The following R3HDM2 variants were observed in gnomAD, a reference collection of about 807,000 sequenced individuals.
The protein encoded by R3HDM2 is R3H domain containing 2.
In R3HDM2, 38 loss-of-function variants were observed where a neutral mutation model predicts 124.5. The ratio of observed to expected loss-of-function variants is 0.31; its 90% confidence interval spans 0.24 to 0.40. The LOEUF (loss-of-function observed/expected upper bound fraction) is 0.40, where lower values mean the gene tolerates loss of function less well. Among genes scored for constraint, R3HDM2 ranks in the 10% least tolerant of loss-of-function variants. The pLI is 1.00. For synonymous variants in R3HDM2, 391 were observed against 448.0 expected (o/e 0.87, Z 1.61); for missense variants, 869 against 1,236.9 (o/e 0.70, Z 4.46).
rs541588929 is a variant in R3HDM2 at position 57,355,320 on chromosome 12, G to A, written c.-36+40429C>T. Among the ~76,000 whole-genome samples the A allele has an allele frequency of 1.1e-4, 17 of 151,516 alleles. No individual in the cohort carries two copies. The East Asian group carries it at 1.4e-3, about 12-fold the overall frequency. ...AAAATACAAAAAAAATTAGCCGGGC[G>A]TAGTGGCAGGCGCCTATAGTCCCAA... On this transcript the variant is annotated intron_variant, in intron 2 of 23. Transcript: ENST00000402412.
chr12:57,269,977 G>T lies in R3HDM2; in HGVS notation c.1362C>A (p.Asn454Lys), dbSNP rs755622952. Residue 454 changes from asparagine to lysine, a missense_variant, in exon 15 of 24, where the codon AAC (asparagine) becomes AAA (lysine). Physicochemically the swap from Asn to Lys is moderately conservative, Grantham distance 94. This residue lies in a region of R3HDM2 where 602 missense variants were observed against 789.2 expected (regional missense o/e 0.76). Transcript: ENST00000402412. Reference sequence around the variant, plus strand: ...GACTAAGGCTCATTTGTCCAAAGGGGTTGCTGAGGTCATCTGCCTGTTGAG... The same window carrying T: ...GACTAAGGCTCATTTGTCCAAAGGGTTTGCTGAGGTCATCTGCCTGTTGAG... ...HMISQADDLS[N>K]PFGQMSLSRQ... 10 of 1,614,102 alleles carry T rather than the reference G, an allele frequency of 6.2e-6. No homozygotes were observed. In the Admixed American group the frequency reaches 1.7e-4, roughly 27 times the overall value.
At chr12:57,287,923 C>T (rs989179708) in intron 12 of R3HDM2, among the ~76,000 whole-genome samples, 1 of 151,546 alleles carries the variant, frequency 6.6e-6, no homozygotes, top group African/African-American at 2.4e-5. Context: ...GAAGTTAATA[C>T]AACAGGTTGC....
chr12:57,305,166 C>T (rs995533684), intron 3 of R3HDM2, among the ~76,000 whole-genome samples: 1 of 152,162 alleles, frequency 6.6e-6, no homozygotes, highest in Non-Finnish European at 1.5e-5. Flanking sequence ...GCCTGAGCAA[C>T]AGAGCAAGGC....
chr12:57,370,143 A>G (rs963183086), intron 2 of R3HDM2, among the ~76,000 whole-genome samples: 1 of 152,148 alleles, frequency 6.6e-6, no homozygotes, highest in Non-Finnish European at 1.5e-5. Context: ...AGGGAGGCTT[A>G]TTGGATCACG....
rs990402205 is a variant in R3HDM2, at chr12:57,258,765, G to A, written c.2301+125C>T. 11 of 929,646 alleles carry A rather than the reference G, an allele frequency of 1.2e-5. No individual in the cohort carries two copies. The East Asian group carries it at 2.9e-4, about 24-fold the overall frequency. The allele number at this position is 929,646 out of a possible 1,614,324, so 57.6% of individuals were successfully genotyped here. On this transcript the variant is annotated intron_variant, in intron 20 of 23. Transcript: ENST00000402412. ...AAAGAGGATGCTGTCTACTTCCTGT[G>A]TTTCTCCCCAGAAAGTACCCAGGAA...
chr12:57,355,040 C>T (rs1336751921), intron 2 of R3HDM2, among the ~76,000 whole-genome samples: 1 of 151,974 alleles, frequency 6.6e-6, no homozygotes, highest in Non-Finnish European at 1.5e-5. Flanking sequence ...TCCGCCTCCA[C>T]CTCCCACAGT....
At chr12:57,429,035 C>T (rs887395693) in intron 1 of R3HDM2, among the ~76,000 whole-genome samples, 1 of 152,084 alleles carries the variant, frequency 6.6e-6, no homozygotes, top group African/African-American at 2.4e-5. Context: ...CATGAGCCAC[C>T]GTGCCCGGCC....
intron 2 of R3HDM2, among the ~76,000 whole-genome samples, chr12:57,350,161 G>C (rs1382869303): frequency 6.6e-6 from 1 of 152,066 alleles, no homozygotes; most frequent in Non-Finnish European, 1.5e-5. Flanking sequence ...AGTAAGCCGA[G>C]ATCGCGCCAC....
In R3HDM2 at chr12:57,269,326, G is replaced by A. The variant is rs752986149; in HGVS notation, c.1711C>T (p.Pro571Ser). The A allele has an allele frequency of 1.2e-6, 2 of 1,613,734 alleles. No individual in the cohort carries two copies. Among genetic ancestry groups the A allele is most frequent in the Admixed American group, 3.3e-5 (2 of 59,976 alleles). ...TTAAACCAGTGGTTTCTCTTACCAG[G>A]CTGCTGGGATGGCTGAGGCAGCTGC... ...GQQLPQPSQQ[P>S]GLQPMMPNQQ... The change falls in exon 16 of 24, where the codon CCT becomes TCT. Residue 571 changes from proline to serine, a missense_variant. Around this residue, in one of 2 missense-constraint regions of R3HDM2, gnomAD observed 602 missense variants for 789.2 expected, o/e 0.76. Transcript: ENST00000402412.
At chr12:57,297,488 G>C (rs1309155266) in intron 7 of R3HDM2, 101 bp from the exon 8 acceptor site, 1 of 684,004 alleles carries the variant, frequency 1.5e-6, no homozygotes. Context: ...CATTACAGAA[G>C]CTGAAAAAGG....
At chr12:57,385,565 G>C (rs2065611835) in intron 2 of R3HDM2, among the ~76,000 whole-genome samples, 1 of 151,930 alleles carries the variant, frequency 6.6e-6, no homozygotes, top group Non-Finnish European at 1.5e-5. Flanking sequence ...TTTATCTGGG[G>C]GTGGTGGCAC....
chr12:57,296,508 T>G lies in R3HDM2; in HGVS notation c.604A>C (p.Met202Leu). The change falls in exon 9 of 24, where the codon ATG becomes CTG. Residue 202 changes from methionine (M) to leucine (L), a missense_variant. This residue lies in a region of R3HDM2 where 267 missense variants were observed against 447.7 expected (regional missense o/e 0.60). Transcript: ENST00000402412. This position sits in a 1 kb window ranked among gnomAD's most constrained non-coding sequence, Gnocchi z 4.5. ...KFPQMTSYHR[M>L]LLHRVAAYFG... is the part of the protein sequence containing the mutation. ...TAGGCAGCTACCCGGTGTAATAGCA[T>G]CCGGTGATATGAGGTCATCTGAGGG... The G allele has an allele frequency of 6.4e-7, 1 of 1,551,942 alleles. No individual in the cohort carries two copies. Among genetic ancestry groups the G allele is most frequent in the South Asian group, 1.2e-5 (1 of 84,052 alleles).
In R3HDM2 at chr12:57,254,332, C is replaced by T. The variant is rs1385231345; in HGVS notation, c.*441G>A. The T allele has an allele frequency of 1.2e-4, 49 of 422,498 alleles. 1 individual carries two copies. Among genetic ancestry groups the T allele is most frequent in the Non-Finnish European group, 2.1e-4 (46 of 217,142 alleles). The allele number at this position is 422,498 out of a possible 1,614,324, so 26.2% of individuals were successfully genotyped here. A position where few individuals can be genotyped will look rare whatever the true frequency, so the allele number is the denominator to read the frequency against. ...CCTGGCCAACATGGTGAAACTCCGT[C>T]TCTACTAAAAATACAAAAATTAGCC... On this transcript the variant is annotated 3_prime_UTR_variant, in exon 24 of 24. Transcript: ENST00000402412.
intron 2 of R3HDM2, among the ~76,000 whole-genome samples, chr12:57,375,843 T>C (rs1352872422): frequency 5.3e-5 from 8 of 151,992 alleles, no homozygotes. Flanking sequence ...CAGCTAATAT[T>C]TTGTATTTTT....
intron 2 of R3HDM2, among the ~76,000 whole-genome samples, chr12:57,394,727 A>G (rs560086727): frequency 6.6e-6 from 1 of 152,268 alleles, no homozygotes; most frequent in South Asian, 2.1e-4. Context: ...TCCTATAAGC[A>G]ACTCTAATAA....
intron 2 of R3HDM2, among the ~76,000 whole-genome samples, chr12:57,386,731 C>T (rs997313456): frequency 1.3e-5 from 2 of 152,226 alleles, no homozygotes; most frequent in Admixed American, 1.3e-4. Flanking sequence ...AGCTGGGCTC[C>T]TAAGTCTGGT....
chr12:57,292,594 C>T lies in R3HDM2; in HGVS notation c.884G>A (p.Arg295Gln), dbSNP rs2048879669. The change falls in exon 11 of 24, where the codon CGA becomes CAA. Residue 295 changes from arginine to glutamine, a missense_variant. Physicochemically the swap from Arg to Gln is conservative, Grantham distance 43. Around this residue, in one of 2 missense-constraint regions of R3HDM2, gnomAD observed 267 missense variants for 447.7 expected, o/e 0.60. Transcript: ENST00000402412. ...EEREEEYQRV[R>Q]ERIFARETGQ... ...TACCTCTCGGGCAAATATTCTCTCT[C>T]GGACCCTTTGATATTCCTCCTCTCT... The T allele has an allele frequency of 2.6e-6, 4 of 1,549,966 alleles. No homozygotes were observed. Among genetic ancestry groups the T allele is most frequent in the Admixed American group, 3.9e-5 (2 of 50,980 alleles).
At chr12:57,291,718 G>T (rs1028070186) in intron 11 of R3HDM2, among the ~76,000 whole-genome samples, 1 of 151,494 alleles carries the variant, frequency 6.6e-6, no homozygotes, top group African/African-American at 2.4e-5. Flanking sequence ...TTTTGACAAT[G>T]AAGGGAGACT....
chr12:57,268,865 C>A, intron 17 of R3HDM2, 57 bp downstream of exon 17: 4 of 1,572,840 alleles, frequency 2.5e-6, no homozygotes, highest in Non-Finnish European at 2.6e-6. Flanking sequence ...CTGGGAGGCT[C>A]TCCTTTTCCT....
Sources: gnomAD v4.1 joint callset for allele counts (sites outside exome capture counted in the v4.1 genomes callset) on GRCh38, gnomAD v4.1.1 for gene constraint, gnomAD v4.1.1 regional missense constraint, Gnocchi (gnomAD v3.1) non-coding constraint, MANE v1.5 for transcripts, NCBI Gene and HGNC (gene_info 2026-07-23, HGNC 2026-07-21) for gene names.